The following ZDHHC14 variants were observed in gnomAD, a reference collection of about 807,000 sequenced individuals.
ZDHHC14 encodes the protein palmitoyltransferase ZDHHC14.
In ZDHHC14, 16 loss-of-function variants were observed where a neutral mutation model predicts 47.7. The observed-to-expected ratio is 0.34, with a 90% CI of 0.23 to 0.51. The LOEUF (loss-of-function observed/expected upper bound fraction) is 0.51. Ranked by LOEUF, ZDHHC14 falls within the 20% of genes least tolerant of loss-of-function variation. The pLI, the probability that ZDHHC14 is intolerant of heterozygous loss-of-function variation, is 0.97. For synonymous variants in ZDHHC14, 293 were observed against 278.9 expected (o/e 1.05, Z -0.50); for missense variants, 515 against 662.5 (o/e 0.78, Z 2.44).
chr6:157,401,928 T>C (rs1370747050), intron 1 of ZDHHC14, among the ~76,000 whole-genome samples: 1 of 149,310 alleles, frequency 6.7e-6, no homozygotes, highest in Non-Finnish European at 1.5e-5. Flanking sequence ...ACTGCAGTAG[T>C]GAGATGTGCA....
intron 3 of ZDHHC14, among the ~76,000 whole-genome samples, chr6:157,593,959 G>A (rs1418037922): frequency 6.6e-6 from 1 of 152,202 alleles, no homozygotes; most frequent in African/African-American, 2.4e-5. Context: ...TGCCCCAGTG[G>A]GGAAGACTCA....
intron 2 of ZDHHC14, among the ~76,000 whole-genome samples, chr6:157,560,036 C>T (rs954168259): frequency 1.3e-5 from 2 of 152,290 alleles, no homozygotes; most frequent in African/African-American, 4.8e-5. Flanking sequence ...AATGGATACA[C>T]GAATTACACT....
At chr6:157,430,291 G>A (rs1038390159) in intron 1 of ZDHHC14, among the ~76,000 whole-genome samples, 1 of 145,486 alleles carries the variant, frequency 6.9e-6, no homozygotes, top group Non-Finnish European at 1.5e-5. Context: ...ACTCCATCCT[G>A]GTGACAAAGC....
intron 2 of ZDHHC14, among the ~76,000 whole-genome samples, chr6:157,576,358 T>C (rs1197102919): frequency 6.6e-6 from 1 of 152,252 alleles, no homozygotes; most frequent in Non-Finnish European, 1.5e-5. Context: ...GAATTTGCTC[T>C]ACTTTTTTCC....
chr6:157,617,304 A>G (rs184989432), intron 3 of ZDHHC14, among the ~76,000 whole-genome samples: 103 of 152,350 alleles, frequency 6.8e-4, no homozygotes, highest in African/African-American at 2.4e-3. Context: ...TTATATCTTA[A>G]CAATAATAGT....
chr6:157,593,546 CCTT>C (rs977432802), intron 3 of ZDHHC14, among the ~76,000 whole-genome samples: 1 of 152,186 alleles, frequency 6.6e-6, no homozygotes, highest in African/African-American at 2.4e-5. Flanking sequence ...AATCCCCACT[CCTT>C]CTGGGGACAG....
intron 5 of ZDHHC14, among the ~76,000 whole-genome samples, chr6:157,634,652 G>A (rs544092831): frequency 7.2e-5 from 11 of 152,348 alleles, no homozygotes; most frequent in Non-Finnish European, 1.2e-4. Context: ...ACTGGGGCCC[G>A]GGCTGCCAGC....
At chr6:157,573,709 T>A (rs1306420556) in intron 2 of ZDHHC14, among the ~76,000 whole-genome samples, 1 of 152,196 alleles carries the variant, frequency 6.6e-6, no homozygotes, top group Non-Finnish European at 1.5e-5. Context: ...CTGGGCATGA[T>A]GGGTTAATCC....
At chr6:157,581,662 A>G (rs1245546551) in intron 2 of ZDHHC14, among the ~76,000 whole-genome samples, 2 of 152,126 alleles carry the variant, frequency 1.3e-5, no homozygotes, top group African/African-American at 2.4e-5. Context: ...ATGCTTTGCC[A>G]TTATGTAATG....
At chr6:157,426,595 T>C (rs1472479557) in intron 1 of ZDHHC14, among the ~76,000 whole-genome samples, 4 of 151,980 alleles carry the variant, frequency 2.6e-5, no homozygotes, top group Non-Finnish European at 5.9e-5. Context: ...GGTAGCCTGG[T>C]GCTTGACACT....
At chr6:157,465,105 C>CTTTTTTTTTTTTTTTTTTTTTTTTTT (rs772080368) in intron 1 of ZDHHC14, among the ~76,000 whole-genome samples, 2 of 102,008 alleles carry the variant, frequency 2.0e-5, no homozygotes, top group Non-Finnish European at 3.8e-5. Flanking sequence ...TCTCTTTCTC[C>CTTTTTTTTTTTTTTTTTTTTTTTTTT]TTTTTTTTTT....
intron 1 of ZDHHC14, among the ~76,000 whole-genome samples, chr6:157,434,570 A>G (rs1383720414): frequency 6.8e-6 from 1 of 148,022 alleles, no homozygotes; most frequent in Non-Finnish European, 1.5e-5. Flanking sequence ...TAAAAACACA[A>G]TTCCATGAAT....
intron 5 of ZDHHC14, among the ~76,000 whole-genome samples, chr6:157,639,937 T>C (rs1035248908): frequency 4.6e-5 from 7 of 152,212 alleles, no homozygotes; most frequent in African/African-American, 1.7e-4. Context: ...TTTCTTTAGT[T>C]GCCTGCATGT....
chr6:157,429,208 A>T (rs1778286801), intron 1 of ZDHHC14, among the ~76,000 whole-genome samples: 1 of 152,124 alleles, frequency 6.6e-6, no homozygotes, highest in Non-Finnish European at 1.5e-5. Context: ...CATTTTTCCC[A>T]CTGAGAGGTG....
intron 3 of ZDHHC14, among the ~76,000 whole-genome samples, chr6:157,615,707 G>A (rs1784938535): frequency 6.6e-6 from 1 of 152,220 alleles, no homozygotes; most frequent in Non-Finnish European, 1.5e-5. Flanking sequence ...TAAGGGGGCA[G>A]CATCGCACCC....
At chr6:157,599,282 C>T (rs186327298) in intron 3 of ZDHHC14, among the ~76,000 whole-genome samples, 277 of 152,332 alleles carry the variant, frequency 1.8e-3, no homozygotes, top group African/African-American at 6.4e-3. Context: ...TGGGCAGCCC[C>T]GCACGGCCAG....
chr6:157,480,948 T>C (rs138088957), intron 1 of ZDHHC14, among the ~76,000 whole-genome samples: 2,337 of 152,348 alleles, frequency 0.015, 31 homozygotes, highest in Non-Finnish European at 0.023. Flanking sequence ...TGTTTTGCAT[T>C]GTTCATTGAT....
Position 157,676,053 on chromosome 6 carries a change from C to G in ZDHHC14, c.*2931C>G, listed in dbSNP as rs775225615. On this transcript the variant is annotated 3_prime_UTR_variant, in exon 9 of 9. Transcript: ENST00000359775. The stretch of plus-strand genomic sequence containing the variant: ...CGTGAGTGCCCTGGTCCCCAGGAAG[C>G]AGGCGGATGCTGCAGGAAGGTGGCA... 1 of 152,228 alleles carries G rather than the reference C, an allele frequency of 6.6e-6. No homozygotes were observed. Among genetic ancestry groups the G allele is most frequent in the Non-Finnish European group, 1.5e-5 (1 of 68,040 alleles). The allele number at this position is 152,228 out of a possible 1,614,324, so 9.4% of individuals were successfully genotyped here.
At chr6:157,405,211 G>C (rs528195541) in intron 1 of ZDHHC14, among the ~76,000 whole-genome samples, 186 of 152,228 alleles carry the variant, frequency 1.2e-3, no homozygotes, top group Non-Finnish European at 2.1e-3. Context: ...ACCGCCAAAA[G>C]ATCCAGCGCA....
Sources: allele counts gnomAD v4.1 joint callset (sites outside exome capture counted in the v4.1 genomes callset), GRCh38; gene constraint gnomAD v4.1.1; transcripts MANE v1.5; gene names NCBI Gene and HGNC (gene_info 2026-07-23, HGNC 2026-07-21).